Variants in AK4 observed in about 807,000 individuals in gnomAD.
AK4 encodes the protein adenylate kinase 4, mitochondrial.
In AK4, 13 loss-of-function variants were observed where a neutral mutation model predicts 24.6. The ratio of observed to expected loss-of-function variants is 0.53; its 90% CI spans 0.34 to 0.84. The LOEUF (loss-of-function observed/expected upper bound fraction) is 0.84, where lower values mean the gene tolerates loss of function less well. Ranked by LOEUF, AK4 falls within the 40% of genes least tolerant of loss-of-function variation. The pLI is 0.01. For missense variants in AK4, 192 were observed against 288.2 expected (o/e 0.67, Z 2.42); for synonymous variants, 88 against 107.0 (o/e 0.82, Z 1.10).
intron 3 of AK4, among the ~76,000 whole-genome samples, chr1:65,222,649 A>T (rs1264580727): frequency 6.6e-6 from 1 of 152,216 alleles, no homozygotes; most frequent in Admixed American, 6.5e-5. Flanking sequence ...ATATTCTCCC[A>T]TCCCCATCTC....
intron 2 of AK4, among the ~76,000 whole-genome samples, chr1:65,217,142 G>A (rs1406400937): frequency 6.6e-6 from 1 of 152,232 alleles, no homozygotes; most frequent in Non-Finnish European, 1.5e-5. Flanking sequence ...TTTGGAGGAA[G>A]CATTGGAGAG....
intron 1 of AK4, among the ~76,000 whole-genome samples, chr1:65,175,989 A>G (rs924798897): frequency 1.3e-5 from 2 of 152,184 alleles, no homozygotes; most frequent in African/African-American, 4.8e-5. Flanking sequence ...AATACACTTG[A>G]CATAGGACGT....
At chr1:65,180,720 T>A (rs568818934) in intron 1 of AK4, among the ~76,000 whole-genome samples, 5 of 152,350 alleles carry the variant, frequency 3.3e-5, no homozygotes, top group Admixed American at 6.5e-5. Flanking sequence ...TTCTTACAAG[T>A]GGGGAGATAA....
chr1:65,149,860 ATT>A (rs1649707407), intron 1 of AK4, among the ~76,000 whole-genome samples: 1 of 152,038 alleles, frequency 6.6e-6, no homozygotes, highest in Admixed American at 6.6e-5. Flanking sequence ...GCCTATTTTG[ATT>A]TTAATACATT....
chr1:65,159,697 T>C (rs1280632447), intron 1 of AK4, among the ~76,000 whole-genome samples: 1 of 145,058 alleles, frequency 6.9e-6, no homozygotes, highest in African/African-American at 2.6e-5. Context: ...TGGCCGGGCG[T>C]GGTGGCTCAT....
At chr1:65,219,914 G>A (rs10789177) in intron 3 of AK4, among the ~76,000 whole-genome samples, 17 of 151,824 alleles carry the variant, frequency 1.1e-4, no homozygotes, top group African/African-American at 2.4e-4. Context: ...CCTGATTTTC[G>A]CCAAACTTCT....
intron 2 of AK4, among the ~76,000 whole-genome samples, chr1:65,201,812 C>G (rs976319018): frequency 1.3e-5 from 2 of 152,076 alleles, no homozygotes; most frequent in Non-Finnish European, 2.9e-5. Flanking sequence ...GGGAATGAAG[C>G]ACATTTTAGA....
Position 65,218,918 on chromosome 1 carries a change from C to T in AK4, c.430C>T (p.His144Tyr). 2.5e-6 allele frequency: 4 copies of T among 1,577,246 alleles called. No individual in the cohort carries two copies. Among genetic ancestry groups the T allele is most frequent in the Non-Finnish European group, 3.4e-6 (4 of 1,165,198 alleles). ...RVYNLDFNPP[H>Y]VHGIDDVTGE... Reference sequence around the variant, plus strand: ...ATATAACCTGGACTTCAATCCACCTCATGTACATGTAAGAATATACAAAGT... The same window carrying T: ...ATATAACCTGGACTTCAATCCACCTTATGTACATGTAAGAATATACAAAGT... The change falls in exon 3 of 5, where the codon CAT (histidine) becomes TAT (tyrosine). Residue 144 changes from histidine to tyrosine, a missense_variant. By Grantham distance (83) the His-to-Tyr change is moderately conservative. Coordinates refer to ENST00000327299, the MANE Select transcript of AK4 (RefSeq NM_013410.4).
chr1:65,172,063 G>GTATATA (rs3051712), intron 1 of AK4, among the ~76,000 whole-genome samples: 680 of 65,654 alleles, frequency 0.01, 17 homozygotes, highest in Middle Eastern at 0.019. Context: ...TCCATCTCAA[G>GTATATA]TATATATATA....
intron 1 of AK4, among the ~76,000 whole-genome samples, chr1:65,173,772 A>G (rs1044317490): frequency 6.6e-6 from 1 of 152,062 alleles, no homozygotes. Flanking sequence ...CTGAGGTGGC[A>G]GGATCCCCTA....
At chr1:65,183,718 G>A (rs918324357) in intron 1 of AK4, among the ~76,000 whole-genome samples, 1 of 148,886 alleles carries the variant, frequency 6.7e-6, no homozygotes, top group African/African-American at 2.5e-5. Flanking sequence ...TGTTCTCATG[G>A]TTTTTCTAAA....
At chr1:65,220,082 T>A (rs1194811954) in intron 3 of AK4, among the ~76,000 whole-genome samples, 1 of 152,260 alleles carries the variant, frequency 6.6e-6, no homozygotes, top group Non-Finnish European at 1.5e-5. Context: ...GTAGCTCATT[T>A]ATTTTTGTAA....
intron 2 of AK4, among the ~76,000 whole-genome samples, chr1:65,215,696 A>C (rs1304182099): frequency 1.3e-5 from 2 of 152,150 alleles, no homozygotes; most frequent in Admixed American, 6.5e-5. Context: ...CATGTTTTTG[A>C]AATTTTTCTT....
At chr1:65,169,481 T>C (rs139320145) in intron 1 of AK4, among the ~76,000 whole-genome samples, 2 of 152,282 alleles carry the variant, frequency 1.3e-5, no homozygotes, top group African/African-American at 4.8e-5. Flanking sequence ...GAGTAGCCAA[T>C]GTTTTGTGTT....
chr1:65,192,654 C>T (rs115008936), intron 2 of AK4, among the ~76,000 whole-genome samples: 293 of 152,264 alleles, frequency 1.9e-3, no homozygotes, highest in African/African-American at 6.8e-3. Flanking sequence ...TTATAAAGTA[C>T]AATTCATCCT....
chr1:65,187,082 G>A (rs12727115), intron 1 of AK4, among the ~76,000 whole-genome samples: 2 of 151,322 alleles, frequency 1.3e-5, no homozygotes, highest in South Asian at 2.1e-4. Context: ...CAGGGAGGCC[G>A]GGCGCGGTGG....
At chr1:65,170,329 C>T (rs1650470770) in intron 1 of AK4, among the ~76,000 whole-genome samples, 1 of 152,172 alleles carries the variant, frequency 6.6e-6, no homozygotes, top group African/African-American at 2.4e-5. Flanking sequence ...GATCGCGCCA[C>T]TGCACCCCAG....
intron 3 of AK4, among the ~76,000 whole-genome samples, chr1:65,223,934 A>G (rs973426418): frequency 1.3e-5 from 2 of 152,210 alleles, no homozygotes; most frequent in East Asian, 1.9e-4. Flanking sequence ...CGGAGGTTGC[A>G]GTGAGCCGAG....
At chr1:65,156,671 C>T (rs1649994632) in intron 1 of AK4, among the ~76,000 whole-genome samples, 1 of 151,730 alleles carries the variant, frequency 6.6e-6, no homozygotes, top group Non-Finnish European at 1.5e-5. Context: ...TGCCTGTAAT[C>T]CCAGCACTTT....
Sources: allele counts gnomAD v4.1 joint callset (sites outside exome capture counted in the v4.1 genomes callset), GRCh38; gene constraint gnomAD v4.1.1; transcripts MANE v1.5; gene names NCBI Gene and HGNC (gene_info 2026-07-23, HGNC 2026-07-21).